Variants in KBTBD11 observed in about 807,000 individuals in gnomAD.
KBTBD11 encodes kelch repeat and BTB domain-containing protein 11.
For synonymous variants in KBTBD11, 747 were observed against 499.0 expected, an observed-to-expected ratio of 1.50 and a Z score of -6.63; for missense variants, 1,390 against 1,001.8, an observed-to-expected ratio of 1.39 and a Z score of -5.23.
Position 2,002,743 on chromosome 8 carries a change from G to A in KBTBD11, c.1551G>A (p.Ala517=), listed in dbSNP as rs779373865. The A allele has an allele frequency of 5.4e-6, 8 of 1,494,256 alleles. No homozygotes were observed. In the Admixed American group the frequency reaches 1.3e-4, roughly 24 times the overall value. The allele number at this position is 1,494,256 out of a possible 1,614,324, so 92.6% of individuals were successfully genotyped here. ...LSGSRGEAQA[A]GPSGVSVSRY... is the part of the protein sequence containing the mutation. ...GCAGCCGCGGCGAGGCGCAGGCGGC[G>A]GGGCCGAGCGGGGTCAGCGTGTCCC... is the stretch of plus-strand genomic sequence containing the variant. Residue 517 remains alanine (A), a synonymous_variant, in exon 2 of 2, where the codon GCG becomes GCA. Coordinates refer to ENST00000320248, the MANE Select transcript of KBTBD11 (RefSeq NM_014867.3). This position sits in a 1 kb window ranked among gnomAD's most constrained non-coding sequence, Gnocchi z 4.1.
chr8:1,991,159 G>A (rs1045755319), intron 1 of KBTBD11, among the ~76,000 whole-genome samples: 2 of 152,226 alleles, frequency 1.3e-5, no homozygotes, highest in African/African-American at 4.8e-5. Flanking sequence ...CCCTCTTCTT[G>A]TCCTGCTGTG....
intron 1 of KBTBD11, among the ~76,000 whole-genome samples, chr8:1,977,152 C>T (rs567810298): frequency 4.0e-5 from 6 of 151,746 alleles, no homozygotes; most frequent in Admixed American, 3.9e-4. Context: ...CAAGACAATT[C>T]TTCCAGTGTG....
Position 2,001,067 on chromosome 8 carries a change from A to C in KBTBD11, c.-126A>C, listed in dbSNP as rs1817325000. On this transcript the variant is annotated 5_prime_UTR_variant, in exon 2 of 2. Coordinates refer to ENST00000320248, the MANE Select transcript of KBTBD11 (RefSeq NM_014867.3). ...CAACAACAAAGCGTGGACACACAGA[A>C]GTGAAATCTGATCGCGTGCCAGGAA... 8.3e-7 allele frequency: 1 copy of C among 1,204,658 alleles called. No individual in the cohort carries two copies. The highest frequency in any genetic ancestry group is 1.0e-6 in the Non-Finnish European group (1 of 952,646). 74.6% of individuals were successfully genotyped at this position (1,204,658 alleles called of 1,614,324 possible). A position where few individuals can be genotyped will look rare whatever the true frequency, so the allele number is the denominator to read the frequency against.
Position 1,999,409 on chromosome 8 carries a change from G to A in KBTBD11, c.-908-876G>A, listed in dbSNP as rs535484213. On this transcript the variant is annotated intron_variant, in intron 1 of 1. Coordinates refer to ENST00000320248, the MANE Select transcript of KBTBD11 (RefSeq NM_014867.3). ...AGATAAGCCTGGTCATGTTTTGGATGGTTGTGTTGTCCACATTCTTTTCTT... is the reference window on the plus strand; with the variant it reads ...AGATAAGCCTGGTCATGTTTTGGATAGTTGTGTTGTCCACATTCTTTTCTT... 4.6e-5 allele frequency among the ~76,000 whole-genome samples: 7 copies of A among 152,316 alleles called. No individual in the cohort carries two copies. In the South Asian group the frequency reaches 1.0e-3, roughly 23 times the overall value.
At chr8:1,994,494 G>C (rs995018003) in intron 1 of KBTBD11, among the ~76,000 whole-genome samples, 3 of 152,258 alleles carry the variant, frequency 2.0e-5, no homozygotes, top group African/African-American at 7.2e-5. Flanking sequence ...GATGGCGTGG[G>C]CAGTGGAGCC....
chr8:1,995,163 T>C (rs957390195), intron 1 of KBTBD11, among the ~76,000 whole-genome samples: 6 of 152,064 alleles, frequency 3.9e-5, no homozygotes, highest in Non-Finnish European at 8.8e-5. Context: ...AACATTTACT[T>C]ATTCAGTTAC....
At chr8:1,980,326 A>G (rs1247572269) in intron 1 of KBTBD11, among the ~76,000 whole-genome samples, 1 of 146,966 alleles carries the variant, frequency 6.8e-6, no homozygotes, top group Non-Finnish European at 1.5e-5. Flanking sequence ...TCCTGGGTTC[A>G]AGCATTTCTC....
At position 2,001,129 on chromosome 8, in the gene KBTBD11, C is replaced by T; in HGVS notation, c.-64C>T. ...CTGGAAACCCCGGAGTAAGGCTCGA[C>T]CTTGGCCAGACCTGCAGGCTGCGGA... On this transcript the variant is annotated 5_prime_UTR_variant, in exon 2 of 2. Transcript: ENST00000320248. 1 of 1,282,414 alleles carries T rather than the reference C, an allele frequency of 7.8e-7. No homozygotes were observed. 79.4% of individuals were successfully genotyped at this position (1,282,414 alleles called of 1,614,324 possible). A position where few individuals can be genotyped will look rare whatever the true frequency, so the allele number is the denominator to read the frequency against.
intron 1 of KBTBD11, among the ~76,000 whole-genome samples, chr8:1,991,335 T>G (rs1298860257): frequency 1.3e-5 from 2 of 152,206 alleles, no homozygotes; most frequent in Non-Finnish European, 2.9e-5. Flanking sequence ...GATTACAGTT[T>G]CCAAGGATGG....
At chr8:1,980,063 G>T (rs145011187) in intron 1 of KBTBD11, among the ~76,000 whole-genome samples, 1 of 152,182 alleles carries the variant, frequency 6.6e-6, no homozygotes, top group African/African-American at 2.4e-5. Context: ...TGAAAGTGCT[G>T]TGGGGTTTTG....
chr8:1,986,682 T>C (rs1008235158), intron 1 of KBTBD11, among the ~76,000 whole-genome samples: 13 of 152,230 alleles, frequency 8.5e-5, no homozygotes, highest in African/African-American at 3.1e-4. Flanking sequence ...ATGGTTTGCA[T>C]TCATTTTTAT....
rs1817585846 is a variant in KBTBD11, at chr8:2,006,810, TGTGATCTGTGTA to T, written c.*3749_*3760del. The T allele has an allele frequency of 1.2e-5, 2 of 167,124 alleles. 1 individual carries two copies. Among genetic ancestry groups the T allele is most frequent in the South Asian group, 4.1e-4 (2 of 4,834 alleles). The allele number at this position is 167,124 out of a possible 1,614,324, so 10.4% of individuals were successfully genotyped here. On this transcript the variant is annotated 3_prime_UTR_variant, in exon 2 of 2. Coordinates refer to ENST00000320248, the MANE Select transcript of KBTBD11 (RefSeq NM_014867.3). ...TGAAGGCCAAGTTCAGGGCAGCTGT[TGTGATCTGTGTA>T]GTTAATGTATTTATTAATGCTTGAC...
At chr8:1,991,760 C>T (rs1449275527) in intron 1 of KBTBD11, among the ~76,000 whole-genome samples, 2 of 151,810 alleles carry the variant, frequency 1.3e-5, no homozygotes, top group Non-Finnish European at 2.9e-5. Flanking sequence ...AGGTGCCCAC[C>T]GGTGAGTGGG....
At position 2,003,161 on chromosome 8, in the gene KBTBD11, C is replaced by T; in HGVS notation, c.*97C>T. On this transcript the variant is annotated 3_prime_UTR_variant, in exon 2 of 2. Transcript: ENST00000320248. ...AGGACGTGGTGGGGAGTCGGGGCCG[C>T]TGGCCACGCTGGTGGTTTGGACACT... is the stretch of plus-strand genomic sequence containing the variant. 1.6e-6 allele frequency: 2 copies of T among 1,246,258 alleles called. No individual in the cohort carries two copies. Among genetic ancestry groups the T allele is most frequent in the Non-Finnish European group, 2.0e-6 (2 of 987,938 alleles). The allele number at this position is 1,246,258 out of a possible 1,614,324, so 77.2% of individuals were successfully genotyped here.
At position 2,002,148 on chromosome 8, in the gene KBTBD11, C is replaced by T; in HGVS notation, c.956C>T (p.Ala319Val). Residue 319 changes from alanine to valine, a missense_variant, in exon 2 of 2, where the codon GCG (alanine) becomes GTG (valine). Coordinates refer to ENST00000320248, the MANE Select transcript of KBTBD11 (RefSeq NM_014867.3). The surrounding 1 kb of genome is among the most constrained non-coding windows in gnomAD (Gnocchi z 4.1). ...GSRPQSPSGDADARGDAAVYC... is the reference protein window; with the variant it reads ...GSRPQSPSGDVDARGDAAVYC... ...CGGCCTCAGAGCCCCTCGGGGGACG[C>T]GGACGCGCGCGGGGACGCGGCCGTC... The T allele has an allele frequency of 8.5e-7, 1 of 1,177,158 alleles. No individual in the cohort carries two copies. 72.9% of individuals were successfully genotyped at this position (1,177,158 alleles called of 1,614,324 possible).
At chr8:1,978,177 T>G (rs1205492228) in intron 1 of KBTBD11, among the ~76,000 whole-genome samples, 1 of 152,236 alleles carries the variant, frequency 6.6e-6, no homozygotes, top group African/African-American at 2.4e-5. Flanking sequence ...GGCCCCAGTG[T>G]GTGTTGTTCC....
chr8:1,996,074 C>G (rs748114745), intron 1 of KBTBD11, among the ~76,000 whole-genome samples: 1 of 152,184 alleles, frequency 6.6e-6, no homozygotes, highest in African/African-American at 2.4e-5. Context: ...TTCTAAGATG[C>G]TATAATTTTT....
rs1211547979 is a variant in KBTBD11, at chr8:2,001,250, G to A, written c.58G>A (p.Gly20Arg). The A allele has an allele frequency of 1.0e-5, 15 of 1,500,550 alleles. No homozygotes were observed. Among genetic ancestry groups the A allele is most frequent in the East Asian group, 2.7e-5 (1 of 37,028 alleles). 93.0% of individuals were successfully genotyped at this position (1,500,550 alleles called of 1,614,324 possible). A position where few individuals can be genotyped will look rare whatever the true frequency, so the allele number is the denominator to read the frequency against. ...LYPGTEPGAA[G>R]ESESEGAASP... ...CCCAGGGACTGAGCCCGGGGCTGCC[G>A]GGGAGAGCGAGAGCGAGGGCGCCGC... is the stretch of plus-strand genomic sequence containing the variant. Residue 20 changes from glycine (G) to arginine (R), a missense_variant, in exon 2 of 2, where the codon GGG becomes AGG. Coordinates refer to ENST00000320248, the MANE Select transcript of KBTBD11 (RefSeq NM_014867.3).
intron 1 of KBTBD11, among the ~76,000 whole-genome samples, chr8:1,987,030 A>C (rs1418997132): frequency 2.0e-5 from 3 of 150,076 alleles, no homozygotes; most frequent in Admixed American, 1.3e-4. Flanking sequence ...AAAAAAAAAA[A>C]AAACCACGCA....
Sources: allele counts gnomAD v4.1 joint callset (sites outside exome capture counted in the v4.1 genomes callset), GRCh38; gene constraint gnomAD v4.1.1; non-coding constraint Gnocchi (gnomAD v3.1); transcripts MANE v1.5; gene names NCBI Gene and HGNC (gene_info 2026-07-23, HGNC 2026-07-21).